The following XK variants were observed in gnomAD, a reference collection of about 807,000 sequenced individuals.
XK encodes the protein X-linked Kx blood group antigen, Kell and VPS13A binding protein.
A neutral mutation model predicts 14.0 loss-of-function variants in XK; 2 were observed. The observed-to-expected ratio is 0.14, with a 90% CI of 0.06 to 0.45. The LOEUF is 0.45. XK is among the 20% of genes least tolerant of loss of function. The pLI is 0.98. For missense variants in XK, 235 were observed against 341.5 expected (o/e 0.69, Z 2.46); for synonymous variants, 149 against 147.5 (o/e 1.01, Z -0.08).
At chrX:37,714,422 T>G (rs1927723566) in intron 2 of XK, among the ~76,000 whole-genome samples, 1 of 111,062 alleles carries the variant, frequency 9.0e-6, no homozygotes. Flanking sequence ...CACTAAGGAC[T>G]GGCCAGTCTT....
At chrX:37,695,737 C>T (rs1184988716) in intron 2 of XK, among the ~76,000 whole-genome samples, 1 of 112,174 alleles carries the variant, frequency 8.9e-6, no homozygotes, top group African/African-American at 3.2e-5. Flanking sequence ...AGGATACTTA[C>T]ATGTTAGAGC....
intron 2 of XK, among the ~76,000 whole-genome samples, chrX:37,712,137 G>A (rs1483159567): frequency 1.8e-5 from 2 of 110,847 alleles, no homozygotes; most frequent in African/African-American, 6.6e-5. Context: ...TGTATTTGGG[G>A]GCAGGCTGAA....
At chrX:37,705,481 A>C (rs1339331836) in intron 2 of XK, among the ~76,000 whole-genome samples, 2 of 109,781 alleles carry the variant, frequency 1.8e-5, no homozygotes, top group African/African-American at 6.6e-5. Flanking sequence ...TAAAAGAGAA[A>C]GTTGTGACTA....
intron 2 of XK, among the ~76,000 whole-genome samples, chrX:37,708,859 A>G (rs966247648): frequency 3.6e-5 from 4 of 112,080 alleles, no homozygotes; most frequent in African/African-American, 1.3e-4. Flanking sequence ...CCTCATTCCT[A>G]TCCTGGAACA....
At chrX:37,693,476 C>CGTGCGTGT (rs1556441872) in intron 1 of XK, among the ~76,000 whole-genome samples, 2 of 95,935 alleles carry the variant, frequency 2.1e-5, no homozygotes, top group African/African-American at 7.7e-5. Flanking sequence ...TCTATCAATT[C>CGTGCGTGT]GTGTGTGTGT....
At position 37,728,288 on chromosome X, in the gene XK, CT is replaced by C; in HGVS notation, c.1164del (p.Gln389ArgfsTer20). On this transcript the variant is annotated frameshift_variant, in exon 3 of 3. Coordinates refer to ENST00000378616, the MANE Select transcript of XK (RefSeq NM_021083.4). LOFTEE classifies it low-confidence loss of function (END_TRUNC). ...KLFSSSVSEG[F>X]QRWLRCFCWA... ...TCTTTTCTTCCAGTGTTTCTGAAGGCTTTCAGAGGTGGCTCAGGTGTTTTTG... is the reference window on the plus strand; with the variant it reads ...TCTTTTCTTCCAGTGTTTCTGAAGGCTTCAGAGGTGGCTCAGGTGTTTTTG... 2 of 1,211,454 alleles carry C rather than the reference CT, an allele frequency of 1.7e-6. No individual in the cohort carries two copies. The highest frequency in any genetic ancestry group is 2.2e-6 in the Non-Finnish European group (2 of 895,433).
intron 1 of XK, among the ~76,000 whole-genome samples, chrX:37,693,469 A>G (rs1360312924): frequency 1.8e-4 from 2 of 11,094 alleles, no homozygotes; most frequent in African/African-American, 5.8e-4. Flanking sequence ...TTATCCATCT[A>G]TCAATTCGTG....
At chrX:37,692,803 A>G (rs1166656812) in intron 1 of XK, among the ~76,000 whole-genome samples, 1 of 112,559 alleles carries the variant, frequency 8.9e-6, no homozygotes, top group Non-Finnish European at 1.9e-5. Flanking sequence ...TTTCCTTCAG[A>G]GAAAATTCAA....
At position 37,707,289 on chromosome X, in the gene XK, C is replaced by T. The variant is rs376369302; in HGVS notation, c.508+12741C>T. Among the ~76,000 whole-genome samples, 99 of 109,126 alleles carry T rather than the reference C, an allele frequency of 9.1e-4. No homozygotes were observed. In the East Asian group the frequency reaches 0.021, roughly 23 times the overall value. 94.8% of individuals were successfully genotyped at this position (109,126 alleles called of 115,157 possible). On this transcript the variant is annotated intron_variant, in intron 2 of 2. Coordinates refer to ENST00000378616, the MANE Select transcript of XK (RefSeq NM_021083.4). The stretch of plus-strand genomic sequence containing the variant: ...CCCCCCACCTCCCTCCCAGACGGGG[C>T]GGCTGGCCTGGCGGGGGCTGACCCC...
At chrX:37,695,438 T>TA (rs369105176) in intron 2 of XK, among the ~76,000 whole-genome samples, 2,361 of 101,374 alleles carry the variant, frequency 0.023, 48 homozygotes, top group African/African-American at 0.064. Context: ...TTGGTTAAGT[T>TA]AAAAAAAAAA....
Position 37,730,510 on chromosome X carries a change from C to T in XK, c.*2048C>T, listed in dbSNP as rs1397352381. 1 of 112,674 alleles carries T rather than the reference C, an allele frequency of 8.9e-6. No homozygotes were observed. Among genetic ancestry groups the T allele is most frequent in the Non-Finnish European group, 1.9e-5 (1 of 53,336 alleles). The allele number at this position is 112,674 out of a possible 1,213,427, so 9.3% of individuals were successfully genotyped here. On this transcript the variant is annotated 3_prime_UTR_variant, in exon 3 of 3. Coordinates refer to ENST00000378616, the MANE Select transcript of XK (RefSeq NM_021083.4). ...TCATTCCAAGTGTATATTTGTATCA[C>T]ACCAGTTACTTGTGTTCATTGACAC...
chrX:37,712,472 T>G, intron 2 of XK, among the ~76,000 whole-genome samples: 1 of 112,369 alleles, frequency 8.9e-6, no homozygotes, highest in African/African-American at 3.2e-5. Flanking sequence ...CATCATCTGT[T>G]TTTTGCATGT....
rs1928027954 is a variant in XK at position 37,728,651 on chromosome X, TG to T, written c.*190del. The T allele has an allele frequency of 2.1e-6, 1 of 480,892 alleles. No homozygotes were observed. Among genetic ancestry groups the T allele is most frequent in the Admixed American group, 3.4e-5 (1 of 29,407 alleles). 39.6% of individuals were successfully genotyped at this position (480,892 alleles called of 1,213,427 possible). On this transcript the variant is annotated 3_prime_UTR_variant, in exon 3 of 3. Coordinates refer to ENST00000378616, the MANE Select transcript of XK (RefSeq NM_021083.4). ...GGAAGAAGCCAGGAAAACCTCTGAG[TG>T]TTGAAGGGGCAACCCAAGGCATCAC...
intron 2 of XK, among the ~76,000 whole-genome samples, chrX:37,726,981 A>G (rs549354883): frequency 8.9e-6 from 1 of 112,158 alleles, no homozygotes; most frequent in African/African-American, 3.2e-5. Flanking sequence ...AAAAGGAAAT[A>G]TCAGATTTGG....
At chrX:37,690,954 G>C (rs929077260) in intron 1 of XK, among the ~76,000 whole-genome samples, 1 of 112,085 alleles carries the variant, frequency 8.9e-6, no homozygotes, top group East Asian at 2.8e-4. Context: ...AGAATTCCAA[G>C]AATAGTAGTT....
At chrX:37,687,158 ATCTC>A (rs782029572) in intron 1 of XK, among the ~76,000 whole-genome samples, 18 of 101,123 alleles carry the variant, frequency 1.8e-4, no homozygotes, top group East Asian at 6.1e-4. Flanking sequence ...CTACCAGGAA[ATCTC>A]TCTCTCTCTC....
intron 2 of XK, among the ~76,000 whole-genome samples, chrX:37,723,953 T>C (rs932803950): frequency 2.2e-4 from 24 of 111,286 alleles, no homozygotes; most frequent in African/African-American, 7.5e-4. Flanking sequence ...TCAGGAAAAA[T>C]AACTTAGTGC....
intron 1 of XK, among the ~76,000 whole-genome samples, chrX:37,690,628 T>A (rs1157781816): frequency 1.8e-5 from 2 of 112,149 alleles, no homozygotes; most frequent in African/African-American, 6.5e-5. Flanking sequence ...TCACCTGTTT[T>A]AGTAGGTAAA....
rs1299991867 is a variant in XK at position 37,722,133 on chromosome X, G to A, written c.509-5503G>A. On this transcript the variant is annotated intron_variant, in intron 2 of 2. Coordinates refer to ENST00000378616, the MANE Select transcript of XK (RefSeq NM_021083.4). ...ACTGGTGATGGTTGCACTTATATGC[G>A]AATATTTAAAAATCATTAAATTGTT... Among the ~76,000 whole-genome samples, 9 of 111,531 alleles carry A rather than the reference G, an allele frequency of 8.1e-5. No individual in the cohort carries two copies. The East Asian group carries it at 1.7e-3, about 21-fold the overall frequency.
Sources: gnomAD v4.1 joint callset for allele counts (sites outside exome capture counted in the v4.1 genomes callset) on GRCh38, gnomAD v4.1.1 for gene constraint, MANE v1.5 for transcripts, NCBI Gene and HGNC (gene_info 2026-07-23, HGNC 2026-07-21) for gene names.